Variants in DHCR24 observed in about 807,000 individuals in gnomAD.
DHCR24 encodes delta(24)-sterol reductase.
In DHCR24, 28 loss-of-function variants were observed where a neutral mutation model predicts 61.2. That is an observed-to-expected ratio of 0.46 (90% CI 0.34 to 0.63). The LOEUF is 0.63. Among genes scored for constraint, DHCR24 ranks in the 20% least tolerant of loss-of-function variants. The pLI is 0.01. For synonymous variants in DHCR24, 261 were observed against 275.9 expected, an observed-to-expected ratio of 0.95 and a Z score of 0.54; for missense variants, 538 against 679.1, an observed-to-expected ratio of 0.79 and a Z score of 2.31.
chr1:54,853,829 C>G (rs968573324), intron 7 of DHCR24, among the ~76,000 whole-genome samples: 1 of 152,064 alleles, frequency 6.6e-6, no homozygotes, highest in Admixed American at 6.5e-5. Flanking sequence ...TGGGAGTGCT[C>G]GATGCCAGAC....
rs78917547 is a variant in DHCR24, at chr1:54,861,169, C to T, written c.1020+4134G>A. 4.7e-3 allele frequency among the ~76,000 whole-genome samples: 715 copies of T among 152,172 alleles called. 9 individuals carry two copies. Among genetic ancestry groups the T allele is most frequent in the African/African-American group, 0.016 (675 of 41,496 alleles). ...GGAGGAGGGGACAGAAATTACTACC[C>T]GTGGGGATCCAGTGTGGGAGCGGAA... is the stretch of plus-strand genomic sequence containing the variant. On this transcript the variant is annotated intron_variant, in intron 6 of 8. Transcript: ENST00000371269.
At position 54,851,065 on chromosome 1, in the gene DHCR24, A is replaced by G. The variant is rs1223916517; in HGVS notation, c.*1168T>C. On this transcript the variant is annotated 3_prime_UTR_variant, in exon 9 of 9. Transcript: ENST00000371269. ...GCTTTGCGTTATAACAAGCCAGGGAAGGACCTAGGGAGGTTCCCTTCCCTC... is the reference window on the plus strand; with the variant it reads ...GCTTTGCGTTATAACAAGCCAGGGAGGGACCTAGGGAGGTTCCCTTCCCTC... 1 of 152,670 alleles carries G rather than the reference A, an allele frequency of 6.6e-6. No individual in the cohort carries two copies. Among genetic ancestry groups the G allele is most frequent in the African/African-American group, 2.4e-5 (1 of 41,456 alleles). 9.5% of individuals were successfully genotyped at this position (152,670 alleles called of 1,614,324 possible).
chr1:54,852,508 C>T, intron 8 of DHCR24, 122 bp from the exon 9 acceptor site: 3 of 1,084,510 alleles, frequency 2.8e-6, no homozygotes, highest in South Asian at 1.3e-5. Context: ...CTTGTTTAAC[C>T]CCGTTAACCT....
At chr1:54,876,840 TGATACAGCCTCA>T (rs1292585632) in intron 2 of DHCR24, among the ~76,000 whole-genome samples, 1 of 151,844 alleles carries the variant, frequency 6.6e-6, no homozygotes, top group Non-Finnish European at 1.5e-5. Flanking sequence ...TGTGCGCCTC[TGATACAGCCTCA>T]GTACGTCCTG....
At chr1:54,865,849 G>A (rs548949596) in intron 5 of DHCR24, among the ~76,000 whole-genome samples, 2 of 152,180 alleles carry the variant, frequency 1.3e-5, no homozygotes, top group East Asian at 3.9e-4. Flanking sequence ...CTGGGAATGG[G>A]TCAGCCCCTC....
At chr1:54,886,098 T>A (rs1026843455) in intron 1 of DHCR24, among the ~76,000 whole-genome samples, 6 of 152,174 alleles carry the variant, frequency 3.9e-5, no homozygotes, top group Non-Finnish European at 2.9e-5. Flanking sequence ...AGAAGCTCTC[T>A]GCAACCTGAT....
chr1:54,881,280 TAAAC>T (rs1477601718), intron 2 of DHCR24, among the ~76,000 whole-genome samples: 2 of 151,948 alleles, frequency 1.3e-5, no homozygotes, highest in African/African-American at 2.4e-5. Context: ...ATAAGGAACT[TAAAC>T]AAACTTACAA....
chr1:54,878,122 G>A (rs926558583), intron 2 of DHCR24, among the ~76,000 whole-genome samples: 4 of 151,972 alleles, frequency 2.6e-5, no homozygotes, highest in South Asian at 4.2e-4. Flanking sequence ...TGCAAAAGGC[G>A]TCCTTGGGAA....
rs1646878081 is a variant in DHCR24 at position 54,852,021 on chromosome 1, G to T, written c.*212C>A. 1 of 612,180 alleles carries T rather than the reference G, an allele frequency of 1.6e-6. No homozygotes were observed. Among genetic ancestry groups the T allele is most frequent in the Non-Finnish European group, 2.9e-6 (1 of 348,980 alleles). 37.9% of individuals were successfully genotyped at this position (612,180 alleles called of 1,614,324 possible). ...CTAATGAGTTCTAAACGGGGAACTG[G>T]ACTCAGGCTTGTCTGACTCCAAATC... On this transcript the variant is annotated 3_prime_UTR_variant, in exon 9 of 9. Transcript: ENST00000371269.
chr1:54,858,136 GCGCAGATGCC>G, intron 6 of DHCR24, among the ~76,000 whole-genome samples: 1 of 152,362 alleles, frequency 6.6e-6, no homozygotes, highest in South Asian at 2.1e-4. Context: ...AGGATGCTGC[GCGCAGATGCC>G]CGCTCCAGGG....
intron 4 of DHCR24, among the ~76,000 whole-genome samples, chr1:54,873,903 G>C (rs1393420033): frequency 6.6e-6 from 1 of 152,152 alleles, no homozygotes; most frequent in Non-Finnish European, 1.5e-5. Context: ...ACCTGCCTTG[G>C]CCTCCCAAAG....
intron 4 of DHCR24, 52 bp from the exon 5 acceptor site, chr1:54,871,665 T>C (rs1169172862): frequency 1.2e-6 from 2 of 1,613,264 alleles, no homozygotes; most frequent in Admixed American, 1.7e-5. Context: ...CCCCACATTG[T>C]GGCATGCAGT....
intron 6 of DHCR24, 77 bp downstream of exon 6, chr1:54,865,226 T>C (rs1289648272): frequency 2.6e-6 from 4 of 1,535,906 alleles, no homozygotes; most frequent in Non-Finnish European, 3.5e-6. Flanking sequence ...GGAGAGAGTA[T>C]GGCTACAGTG....
chr1:54,872,470 TGGTG>T (rs1405431333), intron 4 of DHCR24, among the ~76,000 whole-genome samples: 1 of 152,084 alleles, frequency 6.6e-6, no homozygotes, highest in African/African-American at 2.4e-5. Flanking sequence ...TGAATGCTCT[TGGTG>T]GTGGGCACAG....
chr1:54,886,808 T>A, intron 1 of DHCR24, 81 bp downstream of exon 1: 2 of 1,263,704 alleles, frequency 1.6e-6, no homozygotes, highest in Non-Finnish European at 2.0e-6. Flanking sequence ...GCACCGCAGC[T>A]CCCGTCGCCA....
rs566130863 is a variant in DHCR24, at chr1:54,868,193, G to A, written c.877-2747C>T. ...TGTTAAGATATTACTCCAATTGGCC[G>A]GGCGCAGTGGCTCACGCCCGTAATC... is the stretch of plus-strand genomic sequence containing the variant. On this transcript the variant is annotated intron_variant, in intron 5 of 8. Coordinates refer to ENST00000371269, the MANE Select transcript of DHCR24 (RefSeq NM_014762.4). Among the ~76,000 whole-genome samples the A allele has an allele frequency of 3.3e-5, 5 of 152,300 alleles. No homozygotes were observed. The South Asian group carries it at 6.2e-4, about 19-fold the overall frequency.
rs116490123 is a variant in DHCR24, at chr1:54,851,841, G to A, written c.*392C>T. On this transcript the variant is annotated 3_prime_UTR_variant, in exon 9 of 9. Transcript: ENST00000371269. ...CTCCACTGCAGATGTGACGCTGAAC[G>A]GGAAGCAACAAGAGCTACCACTTAC... The A allele has an allele frequency of 2.1e-3, 528 of 252,714 alleles. 5 individuals carry two copies. The highest frequency in any genetic ancestry group is 8.4e-3 in the African/African-American group (377 of 44,976). The allele number at this position is 252,714 out of a possible 1,614,324, so 15.7% of individuals were successfully genotyped here.
Position 54,875,169 on chromosome 1 carries a change from T to C in DHCR24, c.536A>G (p.Lys179Arg). The C allele has an allele frequency of 6.2e-7, 1 of 1,614,152 alleles. No homozygotes were observed. Among genetic ancestry groups the C allele is most frequent in the Non-Finnish European group, 8.5e-7 (1 of 1,180,026 alleles). Residue 179 changes from lysine (K) to arginine (R), a missense_variant, in exon 4 of 9, where the codon AAG (lysine) becomes AGG (arginine). Transcript: ENST00000371269. Reference protein sequence around the residue: ...MGTGIESSSHKYGLFQHICTA... With the variant: ...MGTGIESSSHRYGLFQHICTA... ...GCAGATGTGTTGGAACAGGCCGTAC[T>C]TGTGGGATGATGACTCGATGCCTGT...
chr1:54,858,847 G>T (rs1436984036), intron 6 of DHCR24, among the ~76,000 whole-genome samples: 1 of 152,082 alleles, frequency 6.6e-6, no homozygotes, highest in Non-Finnish European at 1.5e-5. Flanking sequence ...TGTTGGTCAG[G>T]CTGGTCTCAA....
Sources: gnomAD v4.1 joint callset for allele counts (sites outside exome capture counted in the v4.1 genomes callset) on GRCh38, gnomAD v4.1.1 for gene constraint, MANE v1.5 for transcripts, NCBI Gene and HGNC (gene_info 2026-07-23, HGNC 2026-07-21) for gene names.